EEFSEC: variants seen among roughly 807,000 people sequenced by gnomAD.
The protein encoded by EEFSEC is selenocysteine-specific elongation factor.
A neutral mutation model predicts 42.1 loss-of-function variants in EEFSEC; 43 were observed. The observed-to-expected ratio is 1.02, with a 90% confidence interval of 0.80 to 1.32. The LOEUF (loss-of-function observed/expected upper bound fraction) is 1.32. Among genes scored for constraint, EEFSEC ranks in the 40% most tolerant of loss-of-function variants. The pLI, the probability that EEFSEC is intolerant of heterozygous loss-of-function variation, is 0.00. For missense variants in EEFSEC, 745 were observed against 803.6 expected (o/e 0.93, Z 0.88); for synonymous variants, 354 against 339.1 (o/e 1.04, Z -0.48).
chr3:128,298,494 T>C (rs1281162580), intron 4 of EEFSEC, among the ~76,000 whole-genome samples: 1 of 152,232 alleles, frequency 6.6e-6, no homozygotes, highest in Non-Finnish European at 1.5e-5. Context: ...TGGGGGCACA[T>C]ATGATATTTT....
chr3:128,367,827 A>G (rs1175534050), intron 6 of EEFSEC: 4 of 985,252 alleles, frequency 4.1e-6, no homozygotes, highest in Non-Finnish European at 4.8e-6. Flanking sequence ...CCTGTCACCC[A>G]TTTCATCTGG....
chr3:128,390,265 C>A (rs1004552943), intron 6 of EEFSEC, among the ~76,000 whole-genome samples: 1 of 152,226 alleles, frequency 6.6e-6, no homozygotes. Context: ...TTCATCCTCT[C>A]ACCTGTCCGC....
At chr3:128,266,790 C>G (rs1487442268) in intron 4 of EEFSEC, among the ~76,000 whole-genome samples, 1 of 151,990 alleles carries the variant, frequency 6.6e-6, no homozygotes, top group Non-Finnish European at 1.5e-5. Flanking sequence ...TGAATAAAAT[C>G]TAGTTTAAGC....
chr3:128,285,931 G>C (rs1238835642), intron 4 of EEFSEC, among the ~76,000 whole-genome samples: 3 of 152,190 alleles, frequency 2.0e-5, no homozygotes, highest in Non-Finnish European at 4.4e-5. Context: ...TAATATCTGT[G>C]AACTCATGAG....
intron 1 of EEFSEC, among the ~76,000 whole-genome samples, chr3:128,221,588 G>A (rs138937805): frequency 7.6e-4 from 115 of 152,266 alleles, no homozygotes; most frequent in African/African-American, 2.4e-3. Flanking sequence ...CTGGGCTGCC[G>A]TAGCCCCTGA....
intron 4 of EEFSEC, among the ~76,000 whole-genome samples, chr3:128,283,932 A>G (rs907795907): frequency 6.6e-6 from 1 of 152,196 alleles, no homozygotes; most frequent in Admixed American, 6.5e-5. Context: ...AAAATGATAC[A>G]TACTTCTCCT....
At position 128,340,756 on chromosome 3, in the gene EEFSEC, G is replaced by T. The variant is rs954943717; in HGVS notation, c.787-477G>T. On this transcript the variant is annotated intron_variant, in intron 4 of 6. Transcript: ENST00000254730. ...TTGGGACAGGCTTTCCAGAGCAGTG[G>T]TGTTTGTCCCGGGCTTTAGAGGGCA... Among the ~76,000 whole-genome samples the T allele has an allele frequency of 3.9e-5, 6 of 152,336 alleles. No individual in the cohort carries two copies. In the South Asian group the frequency reaches 1.2e-3, roughly 32 times the overall value.
intron 4 of EEFSEC, 29 bp downstream of exon 4, chr3:128,264,810 C>T: frequency 6.2e-7 from 1 of 1,600,680 alleles, no homozygotes; most frequent in South Asian, 1.1e-5. Flanking sequence ...TCCCTTCTGG[C>T]CTCCTCGCTG....
chr3:128,320,138 G>A (rs1469652614), intron 4 of EEFSEC, among the ~76,000 whole-genome samples: 1 of 152,228 alleles, frequency 6.6e-6, no homozygotes, highest in Non-Finnish European at 1.5e-5. Flanking sequence ...TGCAACAGAG[G>A]TTGTGTGGCC....
intron 1 of EEFSEC, among the ~76,000 whole-genome samples, chr3:128,205,742 C>A (rs1056893935): frequency 6.6e-6 from 1 of 152,218 alleles, no homozygotes; most frequent in Non-Finnish European, 1.5e-5. Context: ...CTTGAATCCT[C>A]ATCCCACAGA....
At chr3:128,160,246 T>C (rs1354199279) in intron 1 of EEFSEC, among the ~76,000 whole-genome samples, 1 of 152,220 alleles carries the variant, frequency 6.6e-6, no homozygotes, top group Admixed American at 6.5e-5. Flanking sequence ...TCTTCTGGAG[T>C]TCTTTGCACA....
intron 5 of EEFSEC, among the ~76,000 whole-genome samples, chr3:128,344,672 C>T (rs1379409248): frequency 1.3e-5 from 2 of 152,216 alleles, no homozygotes; most frequent in Non-Finnish European, 2.9e-5. Flanking sequence ...AAGCTCGAAT[C>T]TCCTTGGTGG....
At chr3:128,416,992 T>C in the EEFSEC span, among the ~76,000 whole-genome samples, 1 of 152,050 alleles carries the variant, frequency 6.6e-6, no homozygotes, top group Non-Finnish European at 1.5e-5. Context: ...CGGTCAGCCA[T>C]GCCTCTCACT....
intron 4 of EEFSEC, among the ~76,000 whole-genome samples, chr3:128,303,813 A>C (rs2066796329): frequency 6.6e-6 from 1 of 152,030 alleles, no homozygotes; most frequent in Non-Finnish European, 1.5e-5. Context: ...AATTGTTTTC[A>C]TTCTTTCATT....
Position 128,325,706 on chromosome 3 carries a change from A to G in EEFSEC, c.787-15527A>G, listed in dbSNP as rs189872990. Among the ~76,000 whole-genome samples the G allele has an allele frequency of 2.6e-3, 400 of 152,172 alleles. 11 individuals are homozygous for G. The South Asian group carries it at 0.055, about 21-fold the overall frequency. On this transcript the variant is annotated intron_variant, in intron 4 of 6. Coordinates refer to ENST00000254730, the MANE Select transcript of EEFSEC (RefSeq NM_021937.5). ...TTTTGTGGAGTATAAAGAAACTGGG[A>G]AAAAAAACCTCCCCCTTAACTATAG... is the stretch of plus-strand genomic sequence containing the variant.
intron 1 of EEFSEC, among the ~76,000 whole-genome samples, chr3:128,232,503 C>T (rs1559879100): frequency 1.3e-5 from 2 of 152,096 alleles, no homozygotes; most frequent in Non-Finnish European, 2.9e-5. Flanking sequence ...CACTTGAGAA[C>T]TGAACATTTT....
chr3:128,408,128 G>A lies in EEFSEC; in HGVS notation c.1660G>A (p.Ala554Thr). 1.9e-6 allele frequency: 3 copies of A among 1,610,520 alleles called. No homozygotes were observed. Among genetic ancestry groups the A allele is most frequent in the South Asian group, 1.1e-5 (1 of 90,706 alleles). The stretch of plus-strand genomic sequence containing the variant: ...ACCCGCCCTCAAGAAGCGGGCCCGG[G>A]CTGGCCGTGGGGAGGCCACCAGGCA... The part of the protein sequence containing the change: ...LTPALKKRAR[A>T]GRGEATRQEE... Residue 554 changes from alanine to threonine, a missense_variant, in exon 7 of 7, where the codon GCT becomes ACT. Physicochemically the swap from Ala to Thr is moderately conservative, Grantham distance 58 (BLOSUM62 0). Transcript: ENST00000254730.
chr3:128,424,229 C>A, the EEFSEC span, among the ~76,000 whole-genome samples: 1 of 152,206 alleles, frequency 6.6e-6, no homozygotes, highest in Non-Finnish European at 1.5e-5. Context: ...CCTCCCCAAG[C>A]CTCAGTCTGC....
intron 6 of EEFSEC, among the ~76,000 whole-genome samples, chr3:128,375,400 T>A (rs1451603710): frequency 1.3e-5 from 2 of 152,182 alleles, no homozygotes; most frequent in Non-Finnish European, 2.9e-5. Context: ...ACCCTCGCCA[T>A]GGGCACAAAT....
Sources: gnomAD v4.1 joint callset for allele counts (sites outside exome capture counted in the v4.1 genomes callset) on GRCh38, gnomAD v4.1.1 for gene constraint, MANE v1.5 for transcripts, NCBI Gene and HGNC (gene_info 2026-07-23, HGNC 2026-07-21) for gene names.